RSRC1: variants seen among roughly 807,000 people sequenced by gnomAD.
RSRC1 encodes the protein serine/Arginine-related protein 53.
In RSRC1, 39 loss-of-function variants were observed where a neutral mutation model predicts 49.1. The ratio of observed to expected loss-of-function variants is 0.79; its 90% CI spans 0.61 to 1.04. The LOEUF (loss-of-function observed/expected upper bound fraction) is 1.04. Ranked by LOEUF, RSRC1 falls within the 50% of genes least tolerant of loss-of-function variation. The probability of loss-of-function intolerance (pLI) is 0.00; values close to 1 mark genes in which losing one functional copy is unlikely to be tolerated. For synonymous variants in RSRC1, 143 were observed against 130.8 expected (o/e 1.09, Z -0.63); for missense variants, 388 against 402.4 (o/e 0.96, Z 0.31).
chr3:158,153,981 C>T (rs899013534), intron 3 of RSRC1, among the ~76,000 whole-genome samples: 1 of 152,058 alleles, frequency 6.6e-6, no homozygotes, highest in Non-Finnish European at 1.5e-5. Context: ...AGATATTTCC[C>T]CAATAAAACT....
At chr3:158,216,539 C>T (rs1444522130) in intron 4 of RSRC1, among the ~76,000 whole-genome samples, 1 of 151,320 alleles carries the variant, frequency 6.6e-6, no homozygotes, top group African/African-American at 2.4e-5. Flanking sequence ...GGATTCATTT[C>T]TGTTGCCTCT....
chr3:158,259,038 T>G (rs910168297), intron 4 of RSRC1, among the ~76,000 whole-genome samples: 26 of 152,220 alleles, frequency 1.7e-4, no homozygotes, highest in African/African-American at 6.3e-4. Context: ...TGTCTATCTT[T>G]CCAGGATTGG....
chr3:158,503,082 C>T (rs1448651843), intron 7 of RSRC1, among the ~76,000 whole-genome samples: 1 of 152,080 alleles, frequency 6.6e-6, no homozygotes, highest in African/African-American at 2.4e-5. Context: ...TGGGGTGTTC[C>T]TAGATGTAGT....
At chr3:158,429,807 T>TA in intron 6 of RSRC1, among the ~76,000 whole-genome samples, 1 of 151,394 alleles carries the variant, frequency 6.6e-6, no homozygotes, top group Non-Finnish European at 1.5e-5. Context: ...TGATTCCACT[T>TA]ATATGAGATG....
chr3:158,389,104 A>G (rs1037773350), intron 6 of RSRC1, among the ~76,000 whole-genome samples: 3 of 152,188 alleles, frequency 2.0e-5, no homozygotes, highest in African/African-American at 7.2e-5. Context: ...ACTGAGAATA[A>G]AGTTGCCATC....
chr3:158,173,348 A>G (rs1452026469), intron 3 of RSRC1, among the ~76,000 whole-genome samples: 6 of 152,016 alleles, frequency 3.9e-5, no homozygotes, highest in Admixed American at 3.9e-4. Flanking sequence ...CTAAGTCAGT[A>G]GGTGCATGCT....
Position 158,487,949 on chromosome 3 carries a change from G to GGAAAAAAAAAAAAAAAAA in RSRC1, c.652+26946_652+26947insGAAAAAAAAAAAAAAAAA, listed in dbSNP as rs1553814781. ...TAGGAGACAAGAGACTCCATCTCAA[G>GGAAAAAAAAAAAAAAAAA]AAAAAAAAAAAAAAAAAAAAAAAAA... On this transcript the variant is annotated intron_variant, in intron 7 of 9. Coordinates refer to ENST00000611884, the MANE Select transcript of RSRC1 (RefSeq NM_001271838.2). Among the ~76,000 whole-genome samples the GGAAAAAAAAAAAAAAAAA allele has an allele frequency of 1.5e-3, 43 of 28,910 alleles. 8 individuals carry two copies. Among genetic ancestry groups the GGAAAAAAAAAAAAAAAAA allele is most frequent in the Non-Finnish European group, 1.9e-3 (32 of 16,522 alleles). 19.0% of individuals were successfully genotyped at this position (28,910 alleles called of 152,430 possible).
chr3:158,150,636 A>G (rs1000066039), intron 3 of RSRC1, among the ~76,000 whole-genome samples: 8 of 152,174 alleles, frequency 5.3e-5, no homozygotes, highest in African/African-American at 1.9e-4. Flanking sequence ...GTAAGAGACT[A>G]TAAGAGAGGG....
intron 6 of RSRC1, among the ~76,000 whole-genome samples, chr3:158,452,966 C>T (rs1249558286): frequency 6.6e-6 from 1 of 152,140 alleles, no homozygotes; most frequent in East Asian, 1.9e-4. Context: ...TATACATACA[C>T]TTACGTACTT....
chr3:158,502,717 T>C (rs1739660224), intron 7 of RSRC1, among the ~76,000 whole-genome samples: 1 of 152,170 alleles, frequency 6.6e-6, no homozygotes, highest in Non-Finnish European at 1.5e-5. Context: ...CTGAATTTTT[T>C]ATTGTTTTCT....
rs1576619768 is a variant in RSRC1 at position 158,545,284 on chromosome 3, C to T, written c.*1009C>T. ...TGGCGCGATCTCAGCTCACTGCAAG[C>T]TCCGCCTCCCAGGTTCACGCCATTT... On this transcript the variant is annotated 3_prime_UTR_variant, in exon 10 of 10. Transcript: ENST00000611884. 1 of 139,860 alleles carries T rather than the reference C, an allele frequency of 7.2e-6. No homozygotes were observed. Among genetic ancestry groups the T allele is most frequent in the Non-Finnish European group, 1.5e-5 (1 of 66,082 alleles). 8.7% of individuals were successfully genotyped at this position (139,860 alleles called of 1,614,324 possible).
In RSRC1 at chr3:158,539,408, G is replaced by C. The variant is rs1464121946; in HGVS notation, c.759+2210G>C. 6.6e-6 allele frequency among the ~76,000 whole-genome samples: 1 copy of C among 152,020 alleles called. No individual in the cohort carries two copies. The highest frequency in any genetic ancestry group is 1.5e-5 in the Non-Finnish European group (1 of 67,948). Reference sequence around the variant, plus strand: ...CGTATTTCTTTTGTCTGAGTAAATAGAGAATCTGATAGTCCCTGATATATC... The same window carrying C: ...CGTATTTCTTTTGTCTGAGTAAATACAGAATCTGATAGTCCCTGATATATC... On this transcript the variant is annotated intron_variant, in intron 8 of 9. Transcript: ENST00000611884. This position sits in a 1 kb window ranked among gnomAD's most constrained non-coding sequence, Gnocchi z 4.1.
intron 6 of RSRC1, among the ~76,000 whole-genome samples, chr3:158,455,524 T>C (rs1254227351): frequency 2.6e-5 from 4 of 152,076 alleles, no homozygotes; most frequent in South Asian, 2.1e-4. Context: ...AAAATAAAAT[T>C]GGTAAAGATG....
At chr3:158,303,365 T>TCCTGATCA (rs1727673064) in intron 5 of RSRC1, 1 of 152,240 alleles carries the variant, frequency 6.6e-6, no homozygotes, top group Non-Finnish European at 1.5e-5. Context: ...CTGATCAGTA[T>TCCTGATCA]GATGTTTCTA....
chr3:158,153,346 A>G (rs528525518), intron 3 of RSRC1, among the ~76,000 whole-genome samples: 1 of 152,086 alleles, frequency 6.6e-6, no homozygotes, highest in African/African-American at 2.4e-5. Context: ...CCACCCCCCT[A>G]TTTATTGGTT....
chr3:158,316,159 G>A lies in RSRC1; in HGVS notation c.531+18084G>A, dbSNP rs183994930. Among the ~76,000 whole-genome samples the A allele has an allele frequency of 4.1e-3, 615 of 150,510 alleles. 3 individuals carry two copies. Among genetic ancestry groups the A allele is most frequent in the Non-Finnish European group, 5.8e-3 (394 of 67,782 alleles). ...AGCACGCCAGCCTGGACAACAGAGC[G>A]AGACTCGGTCTCAAAAAAAAAAAAA... is the stretch of plus-strand genomic sequence containing the variant. On this transcript the variant is annotated intron_variant, in intron 5 of 9. Transcript: ENST00000611884.
rs547922145 is a variant in RSRC1, at chr3:158,179,064, A to G, written c.321-24008A>G. On this transcript the variant is annotated intron_variant, in intron 3 of 9. Transcript: ENST00000611884. The stretch of plus-strand genomic sequence containing the variant: ...AATTTTTCCCCCTCTGGGATTTTCT[A>G]AGTGTACTATCTGCAAATAAAAATT... Among the ~76,000 whole-genome samples, 207 of 152,196 alleles carry G rather than the reference A, an allele frequency of 1.4e-3. 3 individuals carry two copies. Among genetic ancestry groups the G allele is most frequent in the African/African-American group, 4.8e-3 (200 of 41,532 alleles).
chr3:158,133,265 T>C (rs1370034480), intron 3 of RSRC1, among the ~76,000 whole-genome samples: 1 of 152,228 alleles, frequency 6.6e-6, no homozygotes, highest in Non-Finnish European at 1.5e-5. Flanking sequence ...TTTCTATTTT[T>C]ATTTTATTCT....
chr3:158,466,790 G>T (rs1016562916), intron 7 of RSRC1, among the ~76,000 whole-genome samples: 7 of 152,218 alleles, frequency 4.6e-5, no homozygotes, highest in African/African-American at 7.2e-5. Context: ...GGCCGGGCAT[G>T]ATGGCTCACA....
Sources: gnomAD v4.1 joint callset for allele counts (sites outside exome capture counted in the v4.1 genomes callset) on GRCh38, gnomAD v4.1.1 for gene constraint, Gnocchi (gnomAD v3.1) non-coding constraint, MANE v1.5 for transcripts, NCBI Gene and HGNC (gene_info 2026-07-23, HGNC 2026-07-21) for gene names.